MTOR: variants seen among roughly 807,000 people sequenced by gnomAD.
MTOR encodes serine/threonine-protein kinase mTOR.
In MTOR, 70 loss-of-function variants were observed where a neutral mutation model predicts 319.8. That is an observed-to-expected ratio of 0.22 (90% CI 0.18 to 0.27). The LOEUF (loss-of-function observed/expected upper bound fraction) is 0.27. Among genes scored for constraint, MTOR ranks in the 10% least tolerant of loss-of-function variants. MTOR has a pLI of 1.00. For missense variants in MTOR, 1,890 were observed against 3,274.4 expected, an observed-to-expected ratio of 0.58 and a Z score of 10.32; for synonymous variants, 1,183 against 1,211.4, an observed-to-expected ratio of 0.98 and a Z score of 0.49.
intron 28 of MTOR, among the ~76,000 whole-genome samples, chr1:11,196,959 A>G (rs1466671555): frequency 1.3e-5 from 2 of 152,182 alleles, no homozygotes; most frequent in Admixed American, 1.3e-4. Flanking sequence ...ACTCAAATGT[A>G]TATACTAAAA....
intron 26 of MTOR, among the ~76,000 whole-genome samples, chr1:11,201,548 G>A (rs531363054): frequency 2.6e-4 from 39 of 152,210 alleles, no homozygotes; most frequent in Admixed American, 1.2e-3. Context: ...TTGCCAATGC[G>A]AAGGGCTGCT....
At chr1:11,244,676 C>A (rs1053033153) in intron 8 of MTOR, among the ~76,000 whole-genome samples, 11 of 152,198 alleles carry the variant, frequency 7.2e-5, no homozygotes, top group Admixed American at 4.6e-4. Context: ...TCGTGTGCCA[C>A]TTAACAACGT....
At position 11,128,996 on chromosome 1, in the gene MTOR, T is replaced by C; in HGVS notation, c.5715-45A>G. ...GTCACAGAAAATTTAGTTTCCCAGTTTTTGCCTGCCTGTTTTTCATCTCTA... is the reference window on the plus strand; with the variant it reads ...GTCACAGAAAATTTAGTTTCCCAGTCTTTGCCTGCCTGTTTTTCATCTCTA... On this transcript the variant is annotated intron_variant, in intron 40 of 57. Coordinates refer to ENST00000361445, the MANE Select transcript of MTOR (RefSeq NM_004958.4). This position sits in a 1 kb window ranked among gnomAD's most constrained non-coding sequence, Gnocchi z 5.3. The C allele has an allele frequency of 6.5e-7, 1 of 1,535,368 alleles. No individual in the cohort carries two copies. Among genetic ancestry groups the C allele is most frequent in the African/African-American group, 1.4e-5 (1 of 73,760 alleles).
rs1651298934 is a variant in MTOR at position 11,262,545 on chromosome 1, C to T, written c.-115G>A. 6.6e-6 allele frequency: 1 copy of T among 152,382 alleles called. No homozygotes were observed. The highest frequency in any genetic ancestry group is 1.9e-4 in the East Asian group (1 of 5,196). 9.4% of individuals were successfully genotyped at this position (152,382 alleles called of 1,614,324 possible). On this transcript the variant is annotated 5_prime_UTR_variant, in exon 1 of 58. Transcript: ENST00000361445. ...CCGCCTTCCCCGCTGTCCTCTAAGCCGGGAGCGAGGGAAGGAGGGTTCCCA... is the reference window on the plus strand; with the variant it reads ...CCGCCTTCCCCGCTGTCCTCTAAGCTGGGAGCGAGGGAAGGAGGGTTCCCA...
chr1:11,150,027 C>A (rs1644083665), intron 31 of MTOR, 99 bp downstream of exon 31: 2 of 1,001,908 alleles, frequency 2.0e-6, no homozygotes, highest in Admixed American at 1.9e-5. Flanking sequence ...CTTCCATAGA[C>A]CTGGATCTCC....
intron 30 of MTOR, among the ~76,000 whole-genome samples, chr1:11,155,244 C>T (rs911168643): frequency 6.6e-6 from 1 of 152,158 alleles, no homozygotes; most frequent in African/African-American, 2.4e-5. Context: ...AGTAGCTCTA[C>T]AGGTGCTGAT....
chr1:11,247,764 G>A, intron 7 of MTOR, 31 bp from the exon 8 acceptor site: 2 of 1,613,910 alleles, frequency 1.2e-6, no homozygotes, highest in South Asian at 1.1e-5. Context: ...GGTTGGCAGG[G>A]GAAAAGTGAG....
intron 28 of MTOR, among the ~76,000 whole-genome samples, chr1:11,191,243 A>G (rs1309128681): frequency 6.6e-6 from 1 of 152,142 alleles, no homozygotes; most frequent in Non-Finnish European, 1.5e-5. Context: ...TTTCTTCTCT[A>G]TGACCAAGTG....
Position 11,196,925 on chromosome 1 carries a change from T to C in MTOR, c.4253+2333A>G, listed in dbSNP as rs28990672. On this transcript the variant is annotated intron_variant, in intron 28 of 57. Transcript: ENST00000361445. ...TTTTGTGTAGGGCTACCCTAATTGTTTCAAAAAGAATTTAGGGAAGTTGAC... is the reference window on the plus strand; with the variant it reads ...TTTTGTGTAGGGCTACCCTAATTGTCTCAAAAAGAATTTAGGGAAGTTGAC... Among the ~76,000 whole-genome samples, 7 of 152,086 alleles carry C rather than the reference T, an allele frequency of 4.6e-5. No homozygotes were observed. The East Asian group carries it at 1.4e-3, about 29-fold the overall frequency.
At position 11,107,300 on chromosome 1, in the gene MTOR, A is replaced by G. The variant is rs1641625021; in HGVS notation, c.*185T>C. 3.4e-6 allele frequency: 5 copies of G among 1,472,522 alleles called. No homozygotes were observed. In the South Asian group the frequency reaches 5.8e-5, roughly 17 times the overall value. 91.2% of individuals were successfully genotyped at this position (1,472,522 alleles called of 1,614,324 possible). ...AATCAAGCCTTGTGTTTCTGACAAT[A>G]TATTCTTCAACAGCAGCTAGAAAGT... is the stretch of plus-strand genomic sequence containing the variant. On this transcript the variant is annotated 3_prime_UTR_variant, in exon 58 of 58. Transcript: ENST00000361445.
Position 11,164,298 on chromosome 1 carries a change from G to A in MTOR, c.4329+3144C>T, listed in dbSNP as rs140303406. Among the ~76,000 whole-genome samples, 1,029 of 139,560 alleles carry A rather than the reference G, an allele frequency of 7.4e-3. 15 individuals are homozygous for A. Among genetic ancestry groups the A allele is most frequent in the African/African-American group, 0.024 (867 of 36,624 alleles). The allele number at this position is 139,560 out of a possible 152,430, so 91.6% of individuals were successfully genotyped here. ...TGTAGTGAGCCGAGATCATGCCACT[G>A]CACTCCAGCCTGGGCGACAGAGTAA... On this transcript the variant is annotated intron_variant, in intron 29 of 57. Transcript: ENST00000361445.
intron 57 of MTOR, among the ~76,000 whole-genome samples, chr1:11,107,704 G>GC (rs1641645832): frequency 2.6e-5 from 4 of 151,982 alleles, no homozygotes; most frequent in African/African-American, 4.8e-5. Context: ...CTTCCCCAGC[G>GC]CCCGCTCTCT....
At chr1:11,178,941 G>A (rs144493236) in intron 28 of MTOR, among the ~76,000 whole-genome samples, 3 of 152,348 alleles carry the variant, frequency 2.0e-5, no homozygotes, top group East Asian at 1.9e-4. Context: ...AATTGTAGAA[G>A]CAGATGTGAG....
chr1:11,193,652 T>C (rs1271164082), intron 28 of MTOR: 6 of 1,613,848 alleles, frequency 3.7e-6, no homozygotes, highest in Non-Finnish European at 4.2e-6. Context: ...CCTTGTCTCC[T>C]TCTACCGGGA....
chr1:11,250,197 G>A (rs1240611141), intron 6 of MTOR, among the ~76,000 whole-genome samples: 4 of 122,900 alleles, frequency 3.3e-5, no homozygotes, highest in South Asian at 3.1e-4. Flanking sequence ...CCTCCCTCCC[G>A]GACGGGGCGG....
rs1179183790 is a variant in MTOR at position 11,129,891 on chromosome 1, T to C, written c.5614-53A>G. 1 of 1,509,558 alleles carries C rather than the reference T, an allele frequency of 6.6e-7. No homozygotes were observed. Among genetic ancestry groups the C allele is most frequent in the Non-Finnish European group, 9.2e-7 (1 of 1,087,402 alleles). The allele number at this position is 1,509,558 out of a possible 1,614,324, so 93.5% of individuals were successfully genotyped here. ...ACTCTTGCCTCTGCTTTCTCATCTG[T>C]AAAATGGGCATAAGAGCATACTAAC... On this transcript the variant is annotated intron_variant, in intron 39 of 57. Coordinates refer to ENST00000361445, the MANE Select transcript of MTOR (RefSeq NM_004958.4). This position sits in a 1 kb window ranked among gnomAD's most constrained non-coding sequence, Gnocchi z 4.7.
intron 28 of MTOR, chr1:11,194,866 A>T: frequency 6.2e-7 from 1 of 1,614,096 alleles, no homozygotes; most frequent in Non-Finnish European, 8.5e-7. Flanking sequence ...GGCTACTGGT[A>T]CAACTGCTGC....
At position 11,193,856 on chromosome 1, in the gene MTOR, T is replaced by C; in HGVS notation, c.4253+5402A>G. The C allele has an allele frequency of 3.6e-6, 5 of 1,377,426 alleles. No individual in the cohort carries two copies. The South Asian group carries it at 6.4e-5, about 18-fold the overall frequency. 85.3% of individuals were successfully genotyped at this position (1,377,426 alleles called of 1,614,324 possible). ...TACAACTCCGGGGGTGCCATTCCTA[T>C]TCTGATTCAAGACAAATCTGTATAT... On this transcript the variant is annotated intron_variant, in intron 28 of 57. Transcript: ENST00000361445.
intron 30 of MTOR, among the ~76,000 whole-genome samples, chr1:11,155,428 C>T (rs960120862): frequency 2.6e-5 from 4 of 152,064 alleles, no homozygotes; most frequent in African/African-American, 9.7e-5. Context: ...AAAAAAATTA[C>T]TCTGACTCTC....
Sources: gnomAD v4.1 joint callset for allele counts (sites outside exome capture counted in the v4.1 genomes callset) on GRCh38, gnomAD v4.1.1 for gene constraint, Gnocchi (gnomAD v3.1) non-coding constraint, MANE v1.5 for transcripts, NCBI Gene and HGNC (gene_info 2026-07-23, HGNC 2026-07-21) for gene names.